ZBED6: variants seen among roughly 807,000 people sequenced by gnomAD.
The protein encoded by ZBED6 is zinc finger BED-type containing 6.
In ZBED6, 40 loss-of-function variants were observed where a neutral mutation model predicts 58.4. The observed-to-expected ratio is 0.68, with a 90% CI of 0.53 to 0.89. The LOEUF is 0.89. Among genes scored for constraint, ZBED6 ranks in the 40% least tolerant of loss-of-function variants. The pLI is 0.00. For synonymous variants in ZBED6, 439 were observed against 350.6 expected (o/e 1.25, Z -2.82); for missense variants, 1,057 against 1,003.9 (o/e 1.05, Z -0.71).
At chr1:203,824,276 A>T (rs906764352) in intron 3 of ZBED6, among the ~76,000 whole-genome samples, 7 of 112,962 alleles carry the variant, frequency 6.2e-5, no homozygotes, top group African/African-American at 2.0e-4. Context: ...CTCAAAATTA[A>T]AAAAAAAAAA....
chr1:203,806,925 A>G (rs1384699793), intron 1 of ZBED6, among the ~76,000 whole-genome samples: 1 of 146,418 alleles, frequency 6.8e-6, no homozygotes, highest in Non-Finnish European at 1.5e-5. Flanking sequence ...AAGTCTTTCA[A>G]AAATTACTAC....
chr1:203,848,117 C>G (rs550919966), intron 12 of ZBED6, among the ~76,000 whole-genome samples: 1 of 152,146 alleles, frequency 6.6e-6, no homozygotes, highest in Non-Finnish European at 1.5e-5. Flanking sequence ...TTCAGTCTCC[C>G]AAAGTGCTGG....
chr1:203,819,786 G>T (rs894643420), intron 3 of ZBED6, among the ~76,000 whole-genome samples: 4 of 149,198 alleles, frequency 2.7e-5, no homozygotes, highest in Admixed American at 2.7e-4. Flanking sequence ...CACTTGCCTC[G>T]GCCTCCCAAA....
At chr1:203,797,766 G>A in exon 1 of ZBED6, 1 of 1,535,640 alleles carries the variant, frequency 6.5e-7, no homozygotes, top group Admixed American at 2.0e-5. Flanking sequence ...ATTGATTCTT[G>A]CCAAAAAGTT....
At chr1:203,847,619 C>G in exon 12 of ZBED6, 4 of 1,613,390 alleles carry the variant, frequency 2.5e-6, no homozygotes, top group Non-Finnish European at 3.4e-6. Flanking sequence ...GAGAGCAGCA[C>G]CAGCTCCCCG....
At chr1:203,834,766 C>T (rs12733513) in intron 9 of ZBED6, among the ~76,000 whole-genome samples, 16,947 of 152,238 alleles carry the variant, frequency 0.11, 1,181 homozygotes, top group Non-Finnish European at 0.15. Context: ...TCTCCTGCCT[C>T]AGCCTCTCAA....
At chr1:203,834,623 A>G (rs1683629081) in intron 9 of ZBED6, among the ~76,000 whole-genome samples, 1 of 152,108 alleles carries the variant, frequency 6.6e-6, no homozygotes, top group African/African-American at 2.4e-5. Context: ...TTGTTGTATA[A>G]CTACCCTAAC....
chr1:203,804,595 A>G (rs924842426), intron 1 of ZBED6, among the ~76,000 whole-genome samples: 16 of 150,852 alleles, frequency 1.1e-4, no homozygotes, highest in Non-Finnish European at 2.2e-4. Flanking sequence ...TATTATTTTC[A>G]ATTTGTTTTA....
At position 203,851,138 on chromosome 1, in the gene ZBED6, A is replaced by G; in HGVS notation, c.*4873+14A>G. 1 of 1,613,616 alleles carries G rather than the reference A, an allele frequency of 6.2e-7. No individual in the cohort carries two copies. Among genetic ancestry groups the G allele is most frequent in the African/African-American group, 1.3e-5 (1 of 75,028 alleles). On this transcript the variant is annotated intron_variant, in intron 16 of 16. Transcript: ENST00000550078. ...TCCTAGAGACAGGTAATACTTTGTA[A>G]TTCTTTCTAAACAAACTCCAGGCCC...
intron 1 of ZBED6, chr1:203,805,693 C>T: frequency 1.5e-6 from 1 of 668,764 alleles, no homozygotes; most frequent in Non-Finnish European, 2.9e-6. Context: ...AGTGGGAACA[C>T]CTTCTGGAAT....
In ZBED6 at chr1:203,847,088, C is replaced by T. The variant is rs1688115175; in HGVS notation, c.*3742-96C>T. 3 of 1,297,878 alleles carry T rather than the reference C, an allele frequency of 2.3e-6. No homozygotes were observed. The East Asian group carries it at 7.0e-5, about 30-fold the overall frequency. The allele number at this position is 1,297,878 out of a possible 1,614,324, so 80.4% of individuals were successfully genotyped here. A position where few individuals can be genotyped will look rare whatever the true frequency, so the allele number is the denominator to read the frequency against. On this transcript the variant is annotated intron_variant, in intron 11 of 16. Coordinates refer to ENST00000550078, the Ensembl canonical transcript of ZBED6. Reference sequence around the variant, plus strand: ...TTAATTGCCTGCTTAAATGATAGCTCTCTGTTGGACTGTCTTGATCCAAGA... The same window carrying T: ...TTAATTGCCTGCTTAAATGATAGCTTTCTGTTGGACTGTCTTGATCCAAGA...
chr1:203,839,386 G>A (rs1685381310), intron 10 of ZBED6, among the ~76,000 whole-genome samples: 1 of 152,164 alleles, frequency 6.6e-6, no homozygotes, highest in Non-Finnish European at 1.5e-5. Flanking sequence ...AAAAGCCAAG[G>A]TTAGATTTAT....
rs552700202 is a variant in ZBED6 at position 203,829,874 on chromosome 1, A to G, written c.*3296A>G. The G allele has an allele frequency of 1.3e-5, 21 of 1,614,050 alleles. No homozygotes were observed. In the South Asian group the frequency reaches 1.6e-4, roughly 13 times the overall value. ...GATTACGAGTGACTTCTGTCCGGAA[A>G]CCTGCAGTCAATATAAAGCAAGGTA... On this transcript the variant is annotated 3_prime_UTR_variant, in exon 6 of 17. Coordinates refer to ENST00000550078, the Ensembl canonical transcript of ZBED6.
chr1:203,814,741 T>G (rs112768119), intron 1 of ZBED6, among the ~76,000 whole-genome samples: 1,604 of 152,332 alleles, frequency 0.011, 19 homozygotes, highest in African/African-American at 0.035. Context: ...TTTTTTTGTT[T>G]TTGGTTTTTT....
exon 1 of ZBED6, chr1:203,798,699 C>T (rs570640442): frequency 1.8e-5 from 28 of 1,536,054 alleles, no homozygotes; most frequent in Admixed American, 7.8e-5. Flanking sequence ...CACTCTGATG[C>T]GTGCGCAGGA....
intron 1 of ZBED6, among the ~76,000 whole-genome samples, chr1:203,807,827 G>C (rs768072995): frequency 6.6e-6 from 1 of 151,918 alleles, no homozygotes; most frequent in Admixed American, 6.6e-5. Flanking sequence ...CTGCAGCCTC[G>C]ACCTCTTGGG....
chr1:203,812,460 C>T (rs1446395944), intron 1 of ZBED6, among the ~76,000 whole-genome samples: 1 of 151,864 alleles, frequency 6.6e-6, no homozygotes, highest in Admixed American at 6.6e-5. Context: ...TGATTTTGTT[C>T]CTTTTTATTG....
At position 203,837,454 on chromosome 1, in the gene ZBED6, C is replaced by CTT. The variant is rs148758453; in HGVS notation, c.*3574-500_*3574-499dup. On this transcript the variant is annotated intron_variant, in intron 9 of 16. Transcript: ENST00000550078. Reference sequence around the variant, plus strand: ...ATTTTTTGTTCTTTCCCTTGTCTCTCTTTTTTTTTTTTTCTTGAGAATGGG... The same window carrying CTT: ...ATTTTTTGTTCTTTCCCTTGTCTCTCTTTTTTTTTTTTTTTCTTGAGAATGGG... Among the ~76,000 whole-genome samples the CTT allele has an allele frequency of 3.7e-3, 531 of 143,978 alleles. 2 individuals carry two copies. Among genetic ancestry groups the CTT allele is most frequent in the Middle Eastern group, 0.033 (9 of 276 alleles). 94.5% of individuals were successfully genotyped at this position (143,978 alleles called of 152,430 possible). A position where few individuals can be genotyped will look rare whatever the true frequency, so the allele number is the denominator to read the frequency against.
chr1:203,844,422 G>A (rs538611083), intron 11 of ZBED6, among the ~76,000 whole-genome samples: 1 of 152,266 alleles, frequency 6.6e-6, no homozygotes, highest in African/African-American at 2.4e-5. Context: ...GCCTGCCTTG[G>A]CCTCCCAAAG....
Sources: gnomAD v4.1 joint callset for allele counts (sites outside exome capture counted in the v4.1 genomes callset) on GRCh38, gnomAD v4.1.1 for gene constraint, MANE v1.5 for transcripts, NCBI Gene and HGNC (gene_info 2026-07-23, HGNC 2026-07-21) for gene names.